The following MEIG1 variants were observed in gnomAD, a reference collection of about 807,000 sequenced individuals.
MEIG1 encodes meiosis expressed gene 1 protein homolog.
Under a neutral mutation model 11.3 loss-of-function variants are expected in MEIG1, and 12 were observed. The observed-to-expected ratio is 1.07, with a 90% CI of 0.68 to 1.73. The LOEUF (loss-of-function observed/expected upper bound fraction) is 1.73, where lower values mean the gene tolerates loss of function less well. Among genes scored for constraint, MEIG1 ranks in the 40% most tolerant of loss-of-function variants. The pLI is 0.00. For synonymous variants in MEIG1, 41 were observed against 33.2 expected, an observed-to-expected ratio of 1.24 and a Z score of -0.81; for missense variants, 119 against 104.9, an observed-to-expected ratio of 1.13 and a Z score of -0.59.
At chr10:14,979,214 G>C (rs1266127498) in intron 1 of MEIG1, among the ~76,000 whole-genome samples, 1 of 151,774 alleles carries the variant, frequency 6.6e-6, no homozygotes, top group Non-Finnish European at 1.5e-5. Flanking sequence ...TATTACCCGT[G>C]ATGTTCTAGA....
At chr10:14,976,089 T>C (rs1267463169), downstream of MEIG1, among the ~76,000 whole-genome samples, 1 of 151,932 alleles carries the variant, frequency 6.6e-6, no homozygotes, top group African/African-American at 2.4e-5. Context: ...GCGGGGGGCG[T>C]CCGCCCCCTT....
At chr10:14,970,567 A>G (rs1843137005) in intron 2 of MEIG1, 1 of 152,234 alleles carries the variant, frequency 6.6e-6, no homozygotes, top group South Asian at 2.1e-4. Flanking sequence ...CCACACAGGC[A>G]GGTGTGGCCT....
chr10:14,980,018 G>T (rs1843248481), intron 1 of MEIG1, among the ~76,000 whole-genome samples: 1 of 152,068 alleles, frequency 6.6e-6, no homozygotes, highest in Non-Finnish European at 1.5e-5. Context: ...ATTCTAGGGG[G>T]ATGTTACTCC....
chr10:14,984,922 C>T (rs1484702660), intron 1 of MEIG1, among the ~76,000 whole-genome samples: 1 of 151,990 alleles, frequency 6.6e-6, no homozygotes, highest in African/African-American at 2.4e-5. Flanking sequence ...GAAAACATTA[C>T]TGCTAATGTC....
chr10:14,967,042 T>C (rs1248066201), intron 2 of MEIG1, among the ~76,000 whole-genome samples: 1 of 152,064 alleles, frequency 6.6e-6, no homozygotes, highest in East Asian at 1.9e-4. Context: ...CCAGACTCTC[T>C]CATCTTATTA....
intron 1 of MEIG1, among the ~76,000 whole-genome samples, chr10:14,983,270 CGGAAGAA>C (rs1843283558): frequency 6.6e-6 from 1 of 152,044 alleles, no homozygotes; most frequent in African/African-American, 2.4e-5. Flanking sequence ...CTAATATTCA[CGGAAGAA>C]GAGAATGCTA....
At chr10:14,954,951 AG>A (rs1457842750), upstream of MEIG1, among the ~76,000 whole-genome samples, 1 of 152,148 alleles carries the variant, frequency 6.6e-6, no homozygotes. Context: ...TTATTTATTC[AG>A]TTGGGGTCTA....
chr10:14,975,881 C>T (rs990024625), downstream of MEIG1, among the ~76,000 whole-genome samples: 10 of 152,094 alleles, frequency 6.6e-5, no homozygotes, highest in African/African-American at 2.4e-4. Context: ...GAAACACTCC[C>T]GTGATATTGT....
intron 2 of MEIG1, among the ~76,000 whole-genome samples, chr10:14,967,185 C>CA (rs34326480): frequency 0.64 from 95,818 of 150,368 alleles, 30,747 homozygotes; most frequent in Admixed American, 0.68. Context: ...CGGTAGACCA[C>CA]AAAAAAAAAG....
At chr10:14,973,697 G>C (rs1285534761), downstream of MEIG1, among the ~76,000 whole-genome samples, 1 of 140,320 alleles carries the variant, frequency 7.1e-6, no homozygotes, top group African/African-American at 2.6e-5. Context: ...GTGAACCCAG[G>C]AGGCAGAGCT....
At chr10:14,984,215 C>A (rs1370546537) in intron 1 of MEIG1, among the ~76,000 whole-genome samples, 1 of 149,624 alleles carries the variant, frequency 6.7e-6, no homozygotes, top group Admixed American at 6.6e-5. Context: ...TGGGGGGAGC[C>A]CACCCCCCTG....
chr10:14,957,657 C>T (rs182728147), upstream of MEIG1, among the ~76,000 whole-genome samples: 49 of 152,238 alleles, frequency 3.2e-4, no homozygotes, highest in Admixed American at 2.6e-3. Context: ...TTCTTTGAGA[C>T]GGAGTCTCCC....
At chr10:14,972,932 C>G, downstream of MEIG1, 1 of 246,792 alleles carries the variant, frequency 4.1e-6, no homozygotes, top group South Asian at 4.9e-5. Flanking sequence ...GTGGTGCAAT[C>G]TCGATTCACT....
At position 14,966,882 on chromosome 10, in the gene MEIG1, C is replaced by T. The variant is rs45549137; in HGVS notation, c.138+276C>T. 4.0e-3 allele frequency among the ~76,000 whole-genome samples: 603 copies of T among 152,248 alleles called. 1 individual carries two copies. The highest frequency in any genetic ancestry group is 6.4e-3 in the Non-Finnish European group (438 of 68,012). On this transcript the variant is annotated intron_variant, in intron 2 of 2. Coordinates refer to ENST00000407572, the MANE Select transcript of MEIG1 (RefSeq NM_001080836.3). Reference sequence around the variant, plus strand: ...GTGAGTAGCTGGGATCACAGGCGTGCACCACCACGCCTGGCTAATTTTTGT... The same window carrying T: ...GTGAGTAGCTGGGATCACAGGCGTGTACCACCACGCCTGGCTAATTTTTGT...
At chr10:14,960,771 A>G (rs1843003543) in intron 1 of MEIG1, among the ~76,000 whole-genome samples, 1 of 151,986 alleles carries the variant, frequency 6.6e-6, no homozygotes, top group Non-Finnish European at 1.5e-5. Context: ...TCACCCCTGT[A>G]ATCCCAGCAC....
rs376915969 is a variant in MEIG1, at chr10:14,966,821, C to A, written c.138+215C>A. ...AGTGACGCAATCTCGGCACACTCCA[C>A]CTCCCGGATTCAAGGGATTCTCTTG... is the stretch of plus-strand genomic sequence containing the variant. On this transcript the variant is annotated intron_variant, in intron 2 of 2. Coordinates refer to ENST00000407572, the MANE Select transcript of MEIG1 (RefSeq NM_001080836.3). Among the ~76,000 whole-genome samples, 101 of 152,186 alleles carry A rather than the reference C, an allele frequency of 6.6e-4. 1 individual carries two copies. The South Asian group carries it at 0.021, about 31-fold the overall frequency.
intron 1 of MEIG1, among the ~76,000 whole-genome samples, chr10:14,978,298 G>A (rs1021968827): frequency 6.6e-6 from 1 of 151,874 alleles, no homozygotes; most frequent in Admixed American, 6.6e-5. Flanking sequence ...TACACATTAT[G>A]TATGAAAACG....
At chr10:14,961,734 C>T (rs1192286153) in intron 1 of MEIG1, among the ~76,000 whole-genome samples, 1 of 150,016 alleles carries the variant, frequency 6.7e-6, no homozygotes, top group Non-Finnish European at 1.5e-5. Flanking sequence ...CCTGCCTCGG[C>T]CTCCCAAAGT....
In MEIG1 at chr10:14,969,283, CA is replaced by C. The variant is rs1352049466; in HGVS notation, c.138+2683del. Among the ~76,000 whole-genome samples the C allele has an allele frequency of 4.0e-5, 6 of 151,364 alleles. No individual in the cohort carries two copies. In the East Asian group the frequency reaches 7.8e-4, roughly 20 times the overall value. On this transcript the variant is annotated intron_variant, in intron 2 of 2. Coordinates refer to ENST00000407572, the MANE Select transcript of MEIG1 (RefSeq NM_001080836.3). ...GTGACATAGTGAGAACCCATTTCTA[CA>C]AAAAACTTTTTTTAATTAGCCAGGC...
Sources: gnomAD v4.1 joint callset for allele counts (sites outside exome capture counted in the v4.1 genomes callset) on GRCh38, gnomAD v4.1.1 for gene constraint, MANE v1.5 for transcripts, NCBI Gene and HGNC (gene_info 2026-07-23, HGNC 2026-07-21) for gene names.